Variants in SAMD5 observed in about 807,000 individuals in gnomAD.
SAMD5 encodes the protein sterile alpha motif domain containing 5.
Under a neutral mutation model 11.3 loss-of-function variants are expected in SAMD5, and 13 were observed. The observed-to-expected ratio is 1.15, with a 90% confidence interval of 0.75 to 1.83. SAMD5 has a LOEUF of 1.83. SAMD5 is among the 40% of genes most tolerant of loss of function. SAMD5 has a pLI of 0.00. For missense variants in SAMD5, 255 were observed against 239.1 expected (o/e 1.07, Z -0.44); for synonymous variants, 129 against 111.3 (o/e 1.16, Z -1.00).
intron 1 of SAMD5, among the ~76,000 whole-genome samples, chr6:147,561,223 T>C (rs1788943255): frequency 6.6e-6 from 1 of 152,162 alleles, no homozygotes; most frequent in Non-Finnish European, 1.5e-5. Context: ...AGACGGAGTC[T>C]CTGTCACCAG....
chr6:147,585,600 C>A (rs943584722), intron 1 of SAMD5, among the ~76,000 whole-genome samples: 1 of 152,082 alleles, frequency 6.6e-6, no homozygotes, highest in African/African-American at 2.4e-5. Flanking sequence ...TAGGAAATCA[C>A]CCCTTCATGG....
intron 1 of SAMD5, among the ~76,000 whole-genome samples, chr6:147,692,134 G>T (rs941886864): frequency 6.6e-6 from 1 of 151,740 alleles, no homozygotes; most frequent in Non-Finnish European, 1.5e-5. Flanking sequence ...TGTTTAAAAA[G>T]GAACTTTCCA....
intron 1 of SAMD5, among the ~76,000 whole-genome samples, chr6:147,562,745 C>T (rs1788971896): frequency 6.6e-6 from 1 of 152,076 alleles, no homozygotes; most frequent in Admixed American, 6.5e-5. Flanking sequence ...TGGCGTGAAC[C>T]CGGGAGGCGG....
At chr6:147,916,962 G>A in the SAMD5 span, among the ~76,000 whole-genome samples, 1 of 149,272 alleles carries the variant, frequency 6.7e-6, no homozygotes, top group Non-Finnish European at 1.5e-5. Context: ...ATCATTGTTG[G>A]ACATTTGGGT....
At chr6:147,953,021 A>G in the SAMD5 span, among the ~76,000 whole-genome samples, 9 of 152,052 alleles carry the variant, frequency 5.9e-5, no homozygotes, top group African/African-American at 1.7e-4. Flanking sequence ...CTTCCTTCAT[A>G]TAGTATTCTT....
chr6:147,777,498 C>T, the SAMD5 span, among the ~76,000 whole-genome samples: 1 of 151,892 alleles, frequency 6.6e-6, no homozygotes, highest in Admixed American at 6.6e-5. Context: ...CTTCTTTTAG[C>T]TCTCTTTTTT....
chr6:147,609,463 T>C (rs1486589001), intron 1 of SAMD5, among the ~76,000 whole-genome samples: 1 of 152,234 alleles, frequency 6.6e-6, no homozygotes, highest in African/African-American at 2.4e-5. Context: ...TTCTTAGTTA[T>C]GGCAGCCCCA....
At chr6:147,656,936 C>A in intron 1 of SAMD5, among the ~76,000 whole-genome samples, 1 of 105,536 alleles carries the variant, frequency 9.5e-6, no homozygotes, top group South Asian at 3.2e-4. Flanking sequence ...GTGTGTGTAT[C>A]CATAAGGTAT....
At chr6:147,918,702 T>G in the SAMD5 span, among the ~76,000 whole-genome samples, 1 of 144,136 alleles carries the variant, frequency 6.9e-6, no homozygotes, top group African/African-American at 2.6e-5. Context: ...TTTTTTTTTT[T>G]TTTTTTTTTT....
chr6:147,922,992 T>G, the SAMD5 span, among the ~76,000 whole-genome samples: 1 of 152,198 alleles, frequency 6.6e-6, no homozygotes, highest in South Asian at 2.1e-4. Flanking sequence ...CCCACTGATT[T>G]AGTCTGCCAC....
chr6:147,691,732 G>A (rs777053029), intron 1 of SAMD5, among the ~76,000 whole-genome samples: 5 of 152,094 alleles, frequency 3.3e-5, no homozygotes, highest in Non-Finnish European at 5.9e-5. Flanking sequence ...TTTTTGACTT[G>A]CTTATTTGAG....
chr6:147,687,585 C>T (rs1791036947), intron 1 of SAMD5, among the ~76,000 whole-genome samples: 1 of 152,152 alleles, frequency 6.6e-6, no homozygotes, highest in Non-Finnish European at 1.5e-5. Context: ...TTACCCCTGA[C>T]TGAGGAAGAA....
At chr6:147,745,360 T>A in the SAMD5 span, among the ~76,000 whole-genome samples, 2 of 152,152 alleles carry the variant, frequency 1.3e-5, no homozygotes, top group African/African-American at 4.8e-5. Flanking sequence ...TGGAAAAAAA[T>A]GTCTTTACTG....
intron 1 of SAMD5, among the ~76,000 whole-genome samples, chr6:147,578,103 G>A (rs1363709785): frequency 6.6e-6 from 1 of 152,150 alleles, no homozygotes; most frequent in Admixed American, 6.5e-5. Context: ...GTTATATATA[G>A]TAGAGAGAAT....
intron 1 of SAMD5, among the ~76,000 whole-genome samples, chr6:147,628,818 G>A (rs1790097149): frequency 6.6e-6 from 1 of 152,146 alleles, no homozygotes; most frequent in South Asian, 2.1e-4. Flanking sequence ...ACTGGTCTAT[G>A]TGATGACATC....
At chr6:147,757,235 TA>T in the SAMD5 span, among the ~76,000 whole-genome samples, 1 of 152,184 alleles carries the variant, frequency 6.6e-6, no homozygotes, top group Non-Finnish European at 1.5e-5. Context: ...CTACAAATCA[TA>T]TAAAGTTAAA....
the SAMD5 span, among the ~76,000 whole-genome samples, chr6:147,857,105 C>T: frequency 6.6e-6 from 1 of 151,754 alleles, no homozygotes; most frequent in African/African-American, 2.4e-5. Context: ...ATGGTACCAA[C>T]CACTGTAGAG....
chr6:147,892,364 T>C, the SAMD5 span, among the ~76,000 whole-genome samples: 1 of 152,234 alleles, frequency 6.6e-6, no homozygotes, highest in Non-Finnish European at 1.5e-5. Context: ...TATTCACTGA[T>C]TGTGAATTTC....
Position 147,610,950 on chromosome 6 carries a change from A to G in SAMD5, c.162+101563A>G, listed in dbSNP as rs142801900. On this transcript the variant is annotated intron_variant, in intron 1 of 1. Coordinates refer to the SAMD5 transcript ENST00000566741. ...AGTGGTGTGATCTCAGCTTACTGCAACCTCCGCCTCCCGAGTTCAAGCTAT... is the reference window on the plus strand; with the variant it reads ...AGTGGTGTGATCTCAGCTTACTGCAGCCTCCGCCTCCCGAGTTCAAGCTAT... 1.7e-3 allele frequency among the ~76,000 whole-genome samples: 259 copies of G among 150,974 alleles called. 1 individual carries two copies. Among genetic ancestry groups the G allele is most frequent in the African/African-American group, 5.8e-3 (240 of 41,030 alleles).
Sources: gnomAD v4.1 joint callset for allele counts (sites outside exome capture counted in the v4.1 genomes callset) on GRCh38, gnomAD v4.1.1 for gene constraint, MANE v1.5 for transcripts, NCBI Gene and HGNC (gene_info 2026-07-23, HGNC 2026-07-21) for gene names.